The following ATP9B variants were observed in gnomAD, a reference collection of about 807,000 sequenced individuals.
ATP9B encodes the protein ATPase phospholipid transporting 9B.
ATP9B carries 110 observed loss-of-function variants against 146.1 expected under a neutral mutation model. That is an observed-to-expected ratio of 0.75 (90% confidence interval 0.65 to 0.88). The LOEUF is 0.88. ATP9B is among the 40% of genes least tolerant of loss of function. ATP9B has a pLI of 0.00. For synonymous variants in ATP9B, 604 were observed against 569.7 expected, an observed-to-expected ratio of 1.06 and a Z score of -0.86; for missense variants, 1,499 against 1,496.4, an observed-to-expected ratio of 1.00 and a Z score of -0.03.
intron 2 of ATP9B, among the ~76,000 whole-genome samples, chr18:79,108,215 G>A (rs2075781459): frequency 6.6e-6 from 1 of 152,198 alleles, no homozygotes; most frequent in South Asian, 2.1e-4. Context: ...GGAGGCATGT[G>A]AGAGTGTTCG....
chr18:79,249,693 T>G (rs960301805), intron 11 of ATP9B, among the ~76,000 whole-genome samples: 14 of 152,338 alleles, frequency 9.2e-5, no homozygotes, highest in African/African-American at 3.4e-4. Context: ...TTATTTTAAA[T>G]AGTTTATAAG....
chr18:79,242,930 A>G (rs540639687), intron 11 of ATP9B, among the ~76,000 whole-genome samples: 104 of 152,374 alleles, frequency 6.8e-4, no homozygotes, highest in African/African-American at 2.2e-3. Flanking sequence ...TTATTTAACC[A>G]TATTACCTTT....
chr18:79,249,801 T>C (rs2096005112), intron 11 of ATP9B, among the ~76,000 whole-genome samples: 1 of 152,190 alleles, frequency 6.6e-6, no homozygotes, highest in South Asian at 2.1e-4. Context: ...AAAATGCAAG[T>C]GTTGAAATGT....
At chr18:79,369,992 G>A (rs549744917) in intron 26 of ATP9B, among the ~76,000 whole-genome samples, 122 of 152,218 alleles carry the variant, frequency 8.0e-4, no homozygotes, top group African/African-American at 2.9e-3. Context: ...CCAGCTACTC[G>A]GGAGGCTGAG....
Position 79,082,487 on chromosome 18 carries a change from C to T in ATP9B, c.119+12958C>T, listed in dbSNP as rs150493808. Reference sequence around the variant, plus strand: ...GATCCTTTGGAGGAGAAGAGGCGTTCTGGTTTTAGGAATTATCAGCCTTTT... The same window carrying T: ...GATCCTTTGGAGGAGAAGAGGCGTTTTGGTTTTAGGAATTATCAGCCTTTT... On this transcript the variant is annotated intron_variant, in intron 1 of 29. Transcript: ENST00000426216. 4.9e-3 allele frequency among the ~76,000 whole-genome samples: 745 copies of T among 152,300 alleles called. 5 individuals carry two copies. The highest frequency in any genetic ancestry group is 0.025 in the South Asian group (119 of 4,820).
At position 79,138,372 on chromosome 18, in the gene ATP9B, C is replaced by T. The variant is rs562695886; in HGVS notation, c.668-5430C>T. ...CCTGGACCTCAGTGTTTTTGACTTA[C>T]ATTTCACACACCTTTGCAAGCAGAA... On this transcript the variant is annotated intron_variant, in intron 5 of 29. Transcript: ENST00000426216. 7.9e-5 allele frequency among the ~76,000 whole-genome samples: 12 copies of T among 152,268 alleles called. 1 individual carries two copies. The highest frequency in any genetic ancestry group is 5.9e-4 in the Admixed American group (9 of 15,292).
chr18:79,301,262 C>T (rs996207159), intron 13 of ATP9B, among the ~76,000 whole-genome samples: 1 of 152,132 alleles, frequency 6.6e-6, no homozygotes. Flanking sequence ...GAGGCCAGGG[C>T]GGGCAGATCA....
In ATP9B at chr18:79,336,656, G is replaced by T. The variant is rs754672336; in HGVS notation, c.2057G>T (p.Arg686Leu). ...GGAAACATGGCTCGCGAAGGACTGC[G>T]GACCCTCGTGGTTGCAAAGAAGGCG... ...ECGNMAREGL[R>L]TLVVAKKALT... Residue 686 changes from arginine to leucine, a missense_variant, in exon 18 of 30, where the codon CGG becomes CTG. By Grantham distance (102) the Arg-to-Leu change is moderately radical. Transcript: ENST00000426216. The T allele has an allele frequency of 6.2e-7, 1 of 1,611,786 alleles. No individual in the cohort carries two copies. Among genetic ancestry groups the T allele is most frequent in the Non-Finnish European group, 8.5e-7 (1 of 1,179,166 alleles).
chr18:79,377,173 G>A (rs1441825738), intron 29 of ATP9B, 74 bp from the exon 30 acceptor site: 9 of 1,568,950 alleles, frequency 5.7e-6, no homozygotes, highest in Non-Finnish European at 7.8e-6. Flanking sequence ...GCCTGGCCAG[G>A]TCTGTGGCTG....
At chr18:79,102,440 T>C (rs2075349316) in intron 2 of ATP9B, among the ~76,000 whole-genome samples, 1 of 152,178 alleles carries the variant, frequency 6.6e-6, no homozygotes, top group African/African-American at 2.4e-5. Context: ...TAATACCACT[T>C]GATTGTACAT....
chr18:79,193,794 A>G (rs577784359), intron 9 of ATP9B, among the ~76,000 whole-genome samples: 17 of 152,348 alleles, frequency 1.1e-4, no homozygotes, highest in Admixed American at 6.5e-5. Context: ...AACTGATATT[A>G]TAAATGCTTT....
chr18:79,339,491 AG>A (rs2096846471), intron 19 of ATP9B, among the ~76,000 whole-genome samples: 1 of 151,856 alleles, frequency 6.6e-6, no homozygotes, highest in Non-Finnish European at 1.5e-5. Flanking sequence ...TGATCACAGT[AG>A]GAAGTGTCAT....
At chr18:79,209,451 T>C (rs907359055) in intron 10 of ATP9B, 20 of 152,452 alleles carry the variant, frequency 1.3e-4, no homozygotes, top group African/African-American at 4.8e-4. Context: ...TGTTGATTTG[T>C]GACCCTTCTC....
At chr18:79,073,029 C>T (rs1027944863) in intron 1 of ATP9B, among the ~76,000 whole-genome samples, 10 of 150,766 alleles carry the variant, frequency 6.6e-5, no homozygotes, top group African/African-American at 2.4e-4. Flanking sequence ...ACTTCCCAGA[C>T]TGGGCGGCGG....
chr18:79,288,974 C>A (rs1235685563), intron 13 of ATP9B, among the ~76,000 whole-genome samples: 1 of 152,258 alleles, frequency 6.6e-6, no homozygotes, highest in East Asian at 1.9e-4. Flanking sequence ...GAGTTTCTGC[C>A]GAGAGATCCA....
At chr18:79,183,933 C>T (rs1047920385) in intron 8 of ATP9B, among the ~76,000 whole-genome samples, 21 of 152,034 alleles carry the variant, frequency 1.4e-4, no homozygotes, top group Non-Finnish European at 1.0e-4. Flanking sequence ...AGGGTATCAG[C>T]GTATCTGTTT....
chr18:79,188,822 G>C (rs1353054726), intron 8 of ATP9B, among the ~76,000 whole-genome samples: 1 of 150,316 alleles, frequency 6.7e-6, no homozygotes, highest in African/African-American at 2.4e-5. Flanking sequence ...TCTTCCTTTA[G>C]ATCTTTCTTC....
rs1448016930 is a variant in ATP9B, at chr18:79,113,329, A to G, written c.533A>G (p.Tyr178Cys). 1.9e-6 allele frequency: 3 copies of G among 1,583,662 alleles called. No individual in the cohort carries two copies. Among genetic ancestry groups the G allele is most frequent in the East Asian group, 2.2e-5 (1 of 44,572 alleles). The stretch of plus-strand genomic sequence containing the variant: ...TTTGTACCAGCATTGAAAATAGGCT[A>G]TCTCTACACCTACTGGGCTCCTCTG... ...SQFVPALKIG[Y>C]LYTYWAPLGF... Residue 178 changes from tyrosine (Y) to cysteine (C), a missense_variant, in exon 4 of 30, where the codon TAT becomes TGT. Coordinates refer to ENST00000426216, the MANE Select transcript of ATP9B (RefSeq NM_198531.5).
At chr18:79,235,787 G>A (rs1023484833) in intron 11 of ATP9B, among the ~76,000 whole-genome samples, 1 of 151,762 alleles carries the variant, frequency 6.6e-6, no homozygotes, top group African/African-American at 2.4e-5. Flanking sequence ...CTTATCTAGT[G>A]TGTAGTCATA....
Sources: gnomAD v4.1 joint callset for allele counts (sites outside exome capture counted in the v4.1 genomes callset) on GRCh38, gnomAD v4.1.1 for gene constraint, MANE v1.5 for transcripts, NCBI Gene and HGNC (gene_info 2026-07-23, HGNC 2026-07-21) for gene names.